Variants in NBEA observed in about 807,000 individuals in gnomAD.
NBEA encodes the protein lysosomal-trafficking regulator 2.
A neutral mutation model predicts 343.4 loss-of-function variants in NBEA; 44 were observed. That is an observed-to-expected ratio of 0.13 (90% CI 0.10 to 0.16). The LOEUF (loss-of-function observed/expected upper bound fraction) is 0.16. Ranked by LOEUF, NBEA falls within the 10% of genes least tolerant of loss-of-function variation. The probability of loss-of-function intolerance (pLI) is 1.00; values close to 1 mark genes in which losing one functional copy is unlikely to be tolerated. For missense variants in NBEA, 2,555 were observed against 3,631.3 expected, an observed-to-expected ratio of 0.70 and a Z score of 7.62; for synonymous variants, 1,175 against 1,238.7, an observed-to-expected ratio of 0.95 and a Z score of 1.08.
At chr13:34,983,055 G>A (rs913770231) in intron 1 of NBEA, among the ~76,000 whole-genome samples, 8 of 152,024 alleles carry the variant, frequency 5.3e-5, no homozygotes, top group Non-Finnish European at 1.2e-4. Context: ...AAGTTCTAGG[G>A]TACATGTGCA....
At chr13:35,560,827 A>C (rs1224423218) in intron 44 of NBEA, among the ~76,000 whole-genome samples, 1 of 151,978 alleles carries the variant, frequency 6.6e-6, no homozygotes, top group Non-Finnish European at 1.5e-5. Context: ...ACATAGCTGA[A>C]CACCACCAGC....
intron 55 of NBEA, 47 bp from the exon 56 acceptor site, chr13:35,665,038 C>A: frequency 8.0e-7 from 1 of 1,252,524 alleles, no homozygotes; most frequent in Non-Finnish European, 1.1e-6. Context: ...TAGCTCTCTC[C>A]CCCTGCTATT....
In NBEA at chr13:35,470,375, C is replaced by CTT. The variant is rs35460896; in HGVS notation, c.6449-2016_6449-2015dup. Reference sequence around the variant, plus strand: ...GGGTATGGTTTTGATGTTTCACGATCTTTTTTTTTTCATGTTCTCAATTTG... The same window carrying CTT: ...GGGTATGGTTTTGATGTTTCACGATCTTTTTTTTTTTTCATGTTCTCAATTTG... On this transcript the variant is annotated intron_variant, in intron 40 of 58. Coordinates refer to ENST00000379939, the MANE Select transcript of NBEA (RefSeq NM_001385012.1). Among the ~76,000 whole-genome samples, 93 of 149,536 alleles carry CTT rather than the reference C, an allele frequency of 6.2e-4. No homozygotes were observed. In the East Asian group the frequency reaches 0.01, roughly 16 times the overall value.
intron 17 of NBEA, among the ~76,000 whole-genome samples, chr13:35,128,784 T>C (rs1225966021): frequency 1.8e-4 from 28 of 152,170 alleles, no homozygotes; most frequent in Admixed American, 1.8e-3. Context: ...TGGTGGAGGC[T>C]GTTGTGGAAC....
intron 47 of NBEA, among the ~76,000 whole-genome samples, chr13:35,599,948 T>C (rs2153047238): frequency 6.6e-6 from 1 of 152,324 alleles, no homozygotes; most frequent in East Asian, 1.9e-4. Context: ...TATATGTTAG[T>C]CCATATATAT....
intron 41 of NBEA, among the ~76,000 whole-genome samples, chr13:35,510,342 T>C (rs570449040): frequency 3.3e-5 from 5 of 152,322 alleles, no homozygotes; most frequent in African/African-American, 7.2e-5. Flanking sequence ...ATTCTTGACA[T>C]AGTTTTGCAT....
At chr13:35,447,604 A>G (rs1046967720) in intron 39 of NBEA, among the ~76,000 whole-genome samples, 5 of 152,150 alleles carry the variant, frequency 3.3e-5, no homozygotes, top group Non-Finnish European at 7.4e-5. Flanking sequence ...TCCTTGAGCT[A>G]TAATTCAGTG....
chr13:35,014,145 CT>C (rs148045103), intron 1 of NBEA, among the ~76,000 whole-genome samples: 12 of 151,422 alleles, frequency 7.9e-5, no homozygotes, highest in Admixed American at 5.3e-4. Flanking sequence ...AGCAAAAAAA[CT>C]TTTTTTTTAT....
At chr13:35,258,664 T>C (rs940204733) in intron 34 of NBEA, among the ~76,000 whole-genome samples, 6 of 152,134 alleles carry the variant, frequency 3.9e-5, no homozygotes, top group Non-Finnish European at 7.4e-5. Context: ...CTGTTGATAA[T>C]GTTGGTGTTT....
intron 1 of NBEA, among the ~76,000 whole-genome samples, chr13:34,949,098 C>T (rs1041990563): frequency 2.6e-5 from 4 of 152,256 alleles, no homozygotes; most frequent in East Asian, 1.9e-4. Flanking sequence ...ATGCAGTATA[C>T]GCCAGCCTTC....
chr13:35,487,055 T>G (rs987493147), intron 41 of NBEA, among the ~76,000 whole-genome samples: 5 of 152,096 alleles, frequency 3.3e-5, no homozygotes, highest in Admixed American at 2.0e-4. Context: ...CTATGTAATA[T>G]CAGTGAGCTA....
At chr13:35,460,112 A>G (rs955288749) in intron 40 of NBEA, among the ~76,000 whole-genome samples, 10 of 152,288 alleles carry the variant, frequency 6.6e-5, no homozygotes, top group Admixed American at 6.5e-4. Context: ...TGATACTTGT[A>G]TTTAGGGGGA....
intron 35 of NBEA, among the ~76,000 whole-genome samples, chr13:35,299,401 G>A (rs780265672): frequency 3.3e-5 from 5 of 152,148 alleles, no homozygotes; most frequent in Non-Finnish European, 7.4e-5. Context: ...TTTTGGATCT[G>A]AGATTTCTTC....
chr13:35,446,235 G>T (rs2046033727), intron 39 of NBEA, among the ~76,000 whole-genome samples: 1 of 152,092 alleles, frequency 6.6e-6, no homozygotes, highest in Admixed American at 6.6e-5. Context: ...ATTTGGGTTG[G>T]TTCCAAGTCT....
In NBEA at chr13:35,056,656, G is replaced by GGCA. The variant is rs984988142; in HGVS notation, c.1092+529_1092+531dup. Among the ~76,000 whole-genome samples the GGCA allele has an allele frequency of 7.9e-5, 12 of 152,194 alleles. No homozygotes were observed. In the East Asian group the frequency reaches 2.1e-3, roughly 27 times the overall value. Reference sequence around the variant, plus strand: ...GGAACAGTGAGTGCAAAGGCTTTGAGGCAGAATAGGAAAGTTCAAGGAAAA... The same window carrying GGCA: ...GGAACAGTGAGTGCAAAGGCTTTGAGGCAGCAGAATAGGAAAGTTCAAGGAAAA... On this transcript the variant is annotated intron_variant, in intron 7 of 58. Coordinates refer to ENST00000379939, the MANE Select transcript of NBEA (RefSeq NM_001385012.1).
At chr13:35,238,276 T>A (rs1382409241) in intron 34 of NBEA, among the ~76,000 whole-genome samples, 3 of 152,180 alleles carry the variant, frequency 2.0e-5, no homozygotes, top group African/African-American at 7.2e-5. Context: ...GAAAGTCTCA[T>A]ATGTGTCCAA....
chr13:35,173,702 C>T, intron 27 of NBEA, 108 bp downstream of exon 27: 1 of 1,076,004 alleles, frequency 9.3e-7, no homozygotes, highest in Non-Finnish European at 1.3e-6. Flanking sequence ...AGAGCAAGGA[C>T]ATTGTCATTA....
chr13:35,443,220 T>C (rs1397516371), intron 39 of NBEA, among the ~76,000 whole-genome samples: 2 of 152,096 alleles, frequency 1.3e-5, no homozygotes, highest in African/African-American at 2.4e-5. Flanking sequence ...AATATTTATA[T>C]GTAGTTTAAA....
At chr13:35,371,545 C>T (rs571812867) in intron 38 of NBEA, among the ~76,000 whole-genome samples, 1 of 151,942 alleles carries the variant, frequency 6.6e-6, no homozygotes, top group African/African-American at 2.4e-5. Flanking sequence ...TATCTGAATT[C>T]TCTCATATCT....
Sources: gnomAD v4.1 joint callset for allele counts (sites outside exome capture counted in the v4.1 genomes callset) on GRCh38, gnomAD v4.1.1 for gene constraint, MANE v1.5 for transcripts, NCBI Gene and HGNC (gene_info 2026-07-23, HGNC 2026-07-21) for gene names.